AVIL: variants seen among roughly 807,000 people sequenced by gnomAD.
The protein encoded by AVIL is advillin.
In AVIL, 78 loss-of-function variants were observed where a neutral mutation model predicts 109.9. The observed-to-expected ratio is 0.71, with a 90% confidence interval of 0.59 to 0.86. AVIL has a LOEUF of 0.86. Among genes scored for constraint, AVIL ranks in the 40% least tolerant of loss-of-function variants. The pLI is 0.00. For synonymous variants in AVIL, 367 were observed against 379.1 expected, an observed-to-expected ratio of 0.97 and a Z score of 0.37; for missense variants, 892 against 1,016.5, an observed-to-expected ratio of 0.88 and a Z score of 1.67.
rs567910629 is a variant in AVIL at position 57,803,094 on chromosome 12, G to A, written c.1962+153C>T. On this transcript the variant is annotated intron_variant, in intron 16 of 19. Transcript: ENST00000549994. The stretch of plus-strand genomic sequence containing the variant: ...AACATCACCCCTGGAAAAAAAACCC[G>A]GGCTTTCTTTTGGTCACTGCTGACA... Among the ~76,000 whole-genome samples, 7 of 152,242 alleles carry A rather than the reference G, an allele frequency of 4.6e-5. No homozygotes were observed. In the South Asian group the frequency reaches 1.5e-3, roughly 32 times the overall value.
In AVIL at chr12:57,808,293, A is replaced by C; in HGVS notation, c.1095T>G (p.Ala365=). The change falls in exon 11 of 20, where the codon GCT becomes GCG. Residue 365 remains alanine, a splice_region_variant and synonymous_variant. Transcript: ENST00000549994. ...CATCAAATTTATCCTGGAAAACTTT[A>C]GCTGTGGAGAAAGGGTTGGGAAAAG... ...LGKTFSIGKI[A]KVFQDKFDVT... The C allele has an allele frequency of 1.2e-6, 2 of 1,614,178 alleles. No individual in the cohort carries two copies. Among genetic ancestry groups the C allele is most frequent in the South Asian group, 2.2e-5 (2 of 91,080 alleles).
intron 17 of AVIL, 54 bp downstream of exon 17, chr12:57,802,106 G>A: frequency 6.3e-7 from 1 of 1,580,002 alleles, no homozygotes; most frequent in South Asian, 1.1e-5. Context: ...TGCCCACTGA[G>A]CTGTTCTGAG....
rs1197503190 is a variant in AVIL at position 57,799,875 on chromosome 12, G to T, written c.2266C>A (p.Pro756Thr). ...AGAACTGCTATAGGGTAATATTTTG[G>T]CTCACTGTCATTAGAATTCAGGGAG... ...TLSLNSNDSE[P>T]KYYPIAVLLK... The change falls in exon 19 of 20, where the codon CCA (proline) becomes ACA (threonine). Residue 756 changes from proline to threonine, a missense_variant. Pro to Thr is a conservative substitution (Grantham distance 38, BLOSUM62 -1). Transcript: ENST00000549994. 1.3e-5 allele frequency: 21 copies of T among 1,614,104 alleles called. No individual in the cohort carries two copies. The highest frequency in any genetic ancestry group is 1.1e-4 in the East Asian group (5 of 44,882).
In AVIL at chr12:57,808,474, C is replaced by A; in HGVS notation, c.1014G>T (p.Met338Ile). Residue 338 changes from methionine (M) to isoleucine (I), a missense_variant, in exon 10 of 20, where the codon ATG becomes ATT. Met to Ile is a conservative substitution (Grantham distance 10, BLOSUM62 1). Coordinates refer to ENST00000549994, the MANE Select transcript of AVIL (RefSeq NM_006576.4). ...ACCACTTCTGGAACAGCTGCTTGAA[C>A]ATGGCCGACTCAGCACCATCGTTGA... ...ETVNDGAESA[M>I]FKQLFQKWSV... 6.2e-7 allele frequency: 1 copy of A among 1,614,198 alleles called. No homozygotes were observed. Among genetic ancestry groups the A allele is most frequent in the Non-Finnish European group, 8.5e-7 (1 of 1,180,026 alleles).
intron 1 of AVIL, among the ~76,000 whole-genome samples, chr12:57,817,294 AAG>A (rs1217105960): frequency 6.6e-6 from 1 of 151,422 alleles, no homozygotes; most frequent in Admixed American, 6.6e-5. Context: ...ACTGTTTGTT[AAG>A]AGGAACATGT....
At chr12:57,801,753 A>T (rs1315604490) in intron 17 of AVIL, among the ~76,000 whole-genome samples, 3 of 152,146 alleles carry the variant, frequency 2.0e-5, no homozygotes, top group African/African-American at 7.2e-5. Flanking sequence ...AAAAAGAAAA[A>T]AAAAAGTTGA....
chr12:57,814,266 C>T (rs1241233389), intron 2 of AVIL, 40 bp from the exon 3 acceptor site: 4 of 1,571,974 alleles, frequency 2.5e-6, no homozygotes, highest in East Asian at 2.3e-5. Context: ...CATCCCCTCC[C>T]ACCTCCCTTC....
chr12:57,810,425 G>A lies in AVIL; in HGVS notation c.685C>T (p.Arg229Ter), dbSNP rs778408969. ...LMKVLQDTLGRRSIIKPTVPD... is the reference protein window; with the variant it reads ...LMKVLQDTLG ...ACTGTAGGCTTGATAATGGAGCGTC[G>A]GCCAAGGGTGTCCTGAAGGACCTTC... Residue 229 changes from arginine (R) to a stop codon, truncating the protein, a stop_gained, in exon 7 of 20, where the codon CGA becomes TGA. Transcript: ENST00000549994. LOFTEE classifies it high-confidence loss of function. 1.4e-5 allele frequency: 22 copies of A among 1,613,972 alleles called. No individual in the cohort carries two copies. Among genetic ancestry groups the A allele is most frequent in the East Asian group, 4.5e-5 (2 of 44,888 alleles).
chr12:57,809,484 T>G, intron 9 of AVIL, 113 bp downstream of exon 9: 1 of 1,242,122 alleles, frequency 8.1e-7, no homozygotes, highest in Non-Finnish European at 1.1e-6. Flanking sequence ...GCAGTCCATG[T>G]ACGTAAGCAC....
intron 17 of AVIL, among the ~76,000 whole-genome samples, chr12:57,801,653 T>C (rs1422382306): frequency 2.0e-5 from 3 of 152,064 alleles, no homozygotes; most frequent in African/African-American, 4.8e-5. Flanking sequence ...GGCAGGAGAA[T>C]TGCTTGAACC....
intron 7 of AVIL, 51 bp from the exon 8 acceptor site, chr12:57,809,941 G>T (rs894228022): frequency 1.3e-6 from 2 of 1,578,450 alleles, no homozygotes; most frequent in Non-Finnish European, 1.7e-6. Context: ...AAAGCATCTT[G>T]TAGTCAACTA....
intron 17 of AVIL, 39 bp from the exon 18 acceptor site, chr12:57,801,251 C>A: frequency 6.4e-7 from 1 of 1,558,974 alleles, no homozygotes; most frequent in South Asian, 1.1e-5. Flanking sequence ...TGAGGTCTTT[C>A]TTATAGGGGA....
At position 57,817,023 on chromosome 12, in the gene AVIL, T is replaced by C. The variant is rs529999105; in HGVS notation, c.-19-964A>G. On this transcript the variant is annotated intron_variant, in intron 1 of 19. Transcript: ENST00000549994. ...GGGGGAAGTGGTAAAGATCTAAGTC[T>C]GTGTAGGTCGTGTACCATCTGTATT... Among the ~76,000 whole-genome samples the C allele has an allele frequency of 5.3e-5, 8 of 152,192 alleles. No individual in the cohort carries two copies. The South Asian group carries it at 1.2e-3, about 24-fold the overall frequency.
chr12:57,809,756 C>T (rs1275550378), intron 8 of AVIL, 56 bp downstream of exon 8: 2 of 1,613,224 alleles, frequency 1.2e-6, no homozygotes, highest in East Asian at 4.5e-5. Context: ...TGCACAGGGT[C>T]TGCTTCTGAA....
intron 4 of AVIL, 124 bp from the exon 5 acceptor site, chr12:57,811,251 G>C: frequency 1.1e-6 from 1 of 873,370 alleles, no homozygotes. Flanking sequence ...GGTAAATACA[G>C]ATGGTGGCAG....
At chr12:57,800,074 G>A (rs1955816874) in intron 18 of AVIL, 154 bp from the exon 19 acceptor site, 5 of 1,004,362 alleles carry the variant, frequency 5.0e-6, no homozygotes, top group South Asian at 3.4e-5. Context: ...CTGGCTGCAT[G>A]TCAGAATCAT....
At position 57,818,182 on chromosome 12, in the gene AVIL, C is replaced by CTTTTTTTTTT. The variant is rs66731427; in HGVS notation, c.-20+437_-20+446dup. Among the ~76,000 whole-genome samples the CTTTTTTTTTT allele has an allele frequency of 3.7e-3, 132 of 35,274 alleles. 29 individuals carry two copies. Among genetic ancestry groups the CTTTTTTTTTT allele is most frequent in the East Asian group, 0.011 (6 of 560 alleles). 23.1% of individuals were successfully genotyped at this position (35,274 alleles called of 152,430 possible). ...CACAGGTGTGCACCACCATGCTTGG[C>CTTTTTTTTTT]TTTTTTTTTTTTTTTTTTTTTTTTT... On this transcript the variant is annotated intron_variant, in intron 1 of 19. Transcript: ENST00000549994.
At chr12:57,806,204 A>G in intron 14 of AVIL, 156 bp downstream of exon 14, 2 of 650,280 alleles carry the variant, frequency 3.1e-6, no homozygotes, top group Non-Finnish European at 2.7e-6. Flanking sequence ...CACAGGGACC[A>G]TGCTAATCTT....
In AVIL at chr12:57,798,934, C is replaced by T. The variant is rs146689410; in HGVS notation, c.2346+861G>A. Reference sequence around the variant, plus strand: ...CCGGCCAAGAAATTTATTCTTTTAACTCAAATATGTTAATTCATTCACGCA... The same window carrying T: ...CCGGCCAAGAAATTTATTCTTTTAATTCAAATATGTTAATTCATTCACGCA... On this transcript the variant is annotated intron_variant, in intron 19 of 19. Coordinates refer to ENST00000549994, the MANE Select transcript of AVIL (RefSeq NM_006576.4). Among the ~76,000 whole-genome samples the T allele has an allele frequency of 2.1e-3, 319 of 152,252 alleles. 1 individual carries two copies. The highest frequency in any genetic ancestry group is 7.2e-3 in the African/African-American group (301 of 41,548).
Sources: allele counts gnomAD v4.1 joint callset (sites outside exome capture counted in the v4.1 genomes callset), GRCh38; gene constraint gnomAD v4.1.1; transcripts MANE v1.5; gene names NCBI Gene and HGNC (gene_info 2026-07-23, HGNC 2026-07-21).